The following MRPS5 variants were observed in gnomAD, a reference collection of about 807,000 sequenced individuals.
MRPS5 encodes the protein small ribosomal subunit protein uS5m.
Under a neutral mutation model 51.9 loss-of-function variants are expected in MRPS5, and 27 were observed. The ratio of observed to expected loss-of-function variants is 0.52; its 90% confidence interval spans 0.38 to 0.72. The LOEUF (loss-of-function observed/expected upper bound fraction) is 0.72. MRPS5 is among the 30% of genes least tolerant of loss of function. The probability of loss-of-function intolerance (pLI) is 0.00; values close to 1 mark genes in which losing one functional copy is unlikely to be tolerated. For synonymous variants in MRPS5, 196 were observed against 193.2 expected (o/e 1.01, Z -0.12); for missense variants, 570 against 545.7 (o/e 1.04, Z -0.44).
intron 11 of MRPS5, among the ~76,000 whole-genome samples, chr2:95,089,694 G>C (rs2104391307): frequency 6.6e-6 from 1 of 152,302 alleles, no homozygotes; most frequent in Admixed American, 6.5e-5. Context: ...GTGTGCAGAG[G>C]TGCCCTGGGT....
At chr2:95,115,031 T>A in intron 3 of MRPS5, 35 bp downstream of exon 3, 1 of 1,470,092 alleles carries the variant, frequency 6.8e-7, no homozygotes, top group Non-Finnish European at 9.0e-7. Context: ...TTTTCCTGTT[T>A]CAAGAAACAG....
rs1281096768 is a variant in MRPS5 at position 95,087,218 on chromosome 2, ATTAT to A, written c.*135_*138del. On this transcript the variant is annotated 3_prime_UTR_variant, in exon 12 of 12. Coordinates refer to ENST00000272418, the MANE Select transcript of MRPS5 (RefSeq NM_031902.5). ...ATGTGCTCAACAAATGAAAGCTATA[ATTAT>A]TTATTTCCAAAGAGTTTAAAGATTA... is the stretch of plus-strand genomic sequence containing the variant. 8.1e-6 allele frequency: 5 copies of A among 619,634 alleles called. No homozygotes were observed. The highest frequency in any genetic ancestry group is 1.4e-5 in the Non-Finnish European group (5 of 359,480). 38.4% of individuals were successfully genotyped at this position (619,634 alleles called of 1,614,324 possible). A position where few individuals can be genotyped will look rare whatever the true frequency, so the allele number is the denominator to read the frequency against.
intron 5 of MRPS5, 90 bp downstream of exon 5, chr2:95,108,085 T>C (rs145145195): frequency 8.9e-7 from 1 of 1,122,036 alleles, no homozygotes; most frequent in Non-Finnish European, 1.3e-6. Flanking sequence ...AAAGGTAGTA[T>C]AAACAGACAA....
chr2:95,090,300 C>A, intron 11 of MRPS5, 86 bp downstream of exon 11: 1 of 1,444,936 alleles, frequency 6.9e-7, no homozygotes, highest in Non-Finnish European at 9.4e-7. Context: ...AAAGCATCTC[C>A]AGGAGGCCCC....
chr2:95,095,254 T>C (rs568838857), intron 10 of MRPS5, among the ~76,000 whole-genome samples: 11 of 152,308 alleles, frequency 7.2e-5, no homozygotes, highest in African/African-American at 1.4e-4. Context: ...CAAAGAGACT[T>C]TGACTCCCAC....
intron 6 of MRPS5, 149 bp from the exon 7 acceptor site, chr2:95,104,879 C>T (rs1675905498): frequency 3.1e-6 from 2 of 639,238 alleles, no homozygotes; most frequent in Non-Finnish European, 5.4e-6. Context: ...GCACAAGTAA[C>T]AGCCTTTTTC....
intron 1 of MRPS5, among the ~76,000 whole-genome samples, chr2:95,118,326 TG>T (rs1287393977): frequency 7.2e-5 from 11 of 152,258 alleles, no homozygotes; most frequent in African/African-American, 2.7e-4. Context: ...ATAACAGGTC[TG>T]GTCACTTCAC....
At chr2:95,089,630 G>A (rs990584706) in intron 11 of MRPS5, among the ~76,000 whole-genome samples, 1 of 152,108 alleles carries the variant, frequency 6.6e-6, no homozygotes, top group African/African-American at 2.4e-5. Flanking sequence ...TACCAACCCA[G>A]GCATCAGTCC....
At chr2:95,113,424 C>T (rs1439323254) in intron 3 of MRPS5, among the ~76,000 whole-genome samples, 1 of 151,288 alleles carries the variant, frequency 6.6e-6, no homozygotes, top group Admixed American at 6.6e-5. Flanking sequence ...TGCAGTGAGC[C>T]GAGACCACGC....
At chr2:95,098,981 A>G (rs372631212) in intron 10 of MRPS5, among the ~76,000 whole-genome samples, 23 of 147,870 alleles carry the variant, frequency 1.6e-4, no homozygotes, top group African/African-American at 5.5e-4. Flanking sequence ...TGCAGTGGTG[A>G]TATCTCGGCT....
Position 95,108,371 on chromosome 2 carries a change from A to C in MRPS5, c.441T>G (p.Pro147=), listed in dbSNP as rs1676013904. Residue 147 remains proline, a synonymous_variant, in exon 5 of 12, where the codon CCT becomes CCG. Coordinates refer to ENST00000272418, the MANE Select transcript of MRPS5 (RefSeq NM_031902.5). ...TCTGCACTGCTCCATTTTTCATAAG[A>C]GGGACATTCAGTCCGGGCCATAGAA... is the stretch of plus-strand genomic sequence containing the variant. ...YGFLWPGLNV[P]LMKNGAVQTI... 1 of 1,614,156 alleles carries C rather than the reference A, an allele frequency of 6.2e-7. No individual in the cohort carries two copies. The highest frequency in any genetic ancestry group is 8.5e-7 in the Non-Finnish European group (1 of 1,180,028).
rs561990134 is a variant in MRPS5 at position 95,094,995 on chromosome 2, G to C, written c.932-4473C>G. 2.3e-4 allele frequency among the ~76,000 whole-genome samples: 35 copies of C among 152,286 alleles called. 1 individual carries two copies. Among genetic ancestry groups the C allele is most frequent in the African/African-American group, 7.7e-4 (32 of 41,546 alleles). ...ATTCAGGAGACCCATCTCACGTGCA[G>C]AGACACATATAGGCTCAAAATAAAT... On this transcript the variant is annotated intron_variant, in intron 10 of 11. Transcript: ENST00000272418.
At chr2:95,104,215 T>G in intron 7 of MRPS5, 1 of 176,564 alleles carries the variant, frequency 5.7e-6, no homozygotes, top group Non-Finnish European at 1.2e-5. Context: ...TATATGGTCT[T>G]ATATAACGTT....
At chr2:95,088,141 T>C (rs1223861597) in intron 11 of MRPS5, among the ~76,000 whole-genome samples, 2 of 152,172 alleles carry the variant, frequency 1.3e-5, no homozygotes, top group Non-Finnish European at 2.9e-5. Flanking sequence ...AAAAAAAATT[T>C]TTTTTAATCT....
intron 3 of MRPS5, among the ~76,000 whole-genome samples, chr2:95,110,267 A>G (rs560355901): frequency 1.3e-5 from 2 of 152,264 alleles, no homozygotes; most frequent in South Asian, 4.1e-4. Context: ...ACTCTCACTA[A>G]ATATTTTATT....
At chr2:95,090,680 T>A in intron 10 of MRPS5, 158 bp from the exon 11 acceptor site, 1 of 681,664 alleles carries the variant, frequency 1.5e-6, no homozygotes, top group Non-Finnish European at 2.5e-6. Context: ...ACAACTTACT[T>A]AACTTCCAAG....
chr2:95,109,443 C>T (rs1004567462), intron 4 of MRPS5, among the ~76,000 whole-genome samples: 23 of 151,112 alleles, frequency 1.5e-4, no homozygotes, highest in African/African-American at 4.9e-4. Flanking sequence ...CAACTCAGTT[C>T]GTGACTTGTT....
At chr2:95,114,729 A>T (rs1321414356) in intron 3 of MRPS5, among the ~76,000 whole-genome samples, 1 of 152,148 alleles carries the variant, frequency 6.6e-6, no homozygotes, top group Non-Finnish European at 1.5e-5. Flanking sequence ...AACTTTTTCC[A>T]ATTAGATGTC....
intron 8 of MRPS5, 146 bp from the exon 9 acceptor site, chr2:95,101,040 A>AT (rs1675786350): frequency 3.2e-6 from 2 of 630,712 alleles, no homozygotes; most frequent in Non-Finnish European, 5.3e-6. Flanking sequence ...ATAAGGACTT[A>AT]TTTTTTAAAA....
Sources: allele counts gnomAD v4.1 joint callset (sites outside exome capture counted in the v4.1 genomes callset), GRCh38; gene constraint gnomAD v4.1.1; transcripts MANE v1.5; gene names NCBI Gene and HGNC (gene_info 2026-07-23, HGNC 2026-07-21).